PTPRA: variants seen among roughly 807,000 people sequenced by gnomAD.
The protein encoded by PTPRA is protein tyrosine phosphatase receptor type A.
A neutral mutation model predicts 104.8 loss-of-function variants in PTPRA; 25 were observed. The ratio of observed to expected loss-of-function variants is 0.24; its 90% CI spans 0.17 to 0.33. The LOEUF is 0.33. PTPRA is among the 10% of genes least tolerant of loss of function. The pLI, the probability that PTPRA is intolerant of heterozygous loss-of-function variation, is 1.00. For missense variants in PTPRA, 765 were observed against 1,015.3 expected (o/e 0.75, Z 3.35); for synonymous variants, 323 against 368.9 (o/e 0.88, Z 1.43).
At chr20:2,989,800 A>T (rs113000220) in intron 9 of PTPRA, among the ~76,000 whole-genome samples, 3 of 152,038 alleles carry the variant, frequency 2.0e-5, no homozygotes, top group African/African-American at 7.2e-5. Flanking sequence ...GGCGGATCAC[A>T]AGGTCAGGAG....
Position 3,038,061 on chromosome 20 carries a change from A to G in PTPRA, c.2337A>G (p.Glu779=), listed in dbSNP as rs372813177. 5.4e-5 allele frequency: 87 copies of G among 1,610,640 alleles called. No individual in the cohort carries two copies. Among genetic ancestry groups the G allele is most frequent in the Middle Eastern group, 1.6e-4 (1 of 6,080 alleles). Residue 779 remains glutamate (E), a splice_region_variant and synonymous_variant, in exon 24 of 24, where the codon GAA becomes GAG. Coordinates refer to ENST00000399903, the MANE Select transcript of PTPRA (RefSeq NM_001385305.1). The part of the protein sequence containing the change: ...LQRPHMVQTL[E]QYEFCYKVVQ... The stretch of plus-strand genomic sequence containing the variant: ...TTTCCCTACCTTTCACTCTCCAGGA[A>G]CAGTATGAGTTCTGCTACAAGGTGG...
chr20:2,899,668 A>T (rs1464997781), intron 1 of PTPRA, among the ~76,000 whole-genome samples: 1 of 152,190 alleles, frequency 6.6e-6, no homozygotes, highest in Non-Finnish European at 1.5e-5. Context: ...ATCAAGAATG[A>T]TTATATAGGT....
intron 1 of PTPRA, among the ~76,000 whole-genome samples, chr20:2,912,406 T>C (rs1291129315): frequency 6.6e-6 from 1 of 151,902 alleles, no homozygotes; most frequent in African/African-American, 2.4e-5. Flanking sequence ...AGTGGATTGC[T>C]TGAGCTCAGG....
intron 5 of PTPRA, among the ~76,000 whole-genome samples, chr20:2,971,321 T>C (rs568669528): frequency 2.0e-5 from 3 of 152,276 alleles, no homozygotes; most frequent in Admixed American, 2.0e-4. Flanking sequence ...CTTTTTTTTT[T>C]AAATCTTCTG....
intron 3 of PTPRA, among the ~76,000 whole-genome samples, chr20:2,956,764 C>A (rs139001979): frequency 4.7e-4 from 71 of 152,260 alleles, no homozygotes; most frequent in African/African-American, 1.5e-3. Flanking sequence ...TTCCAGTATT[C>A]TTCTCTTGAA....
rs1470939883 is a variant in PTPRA at position 2,892,313 on chromosome 20, A to G, written c.-129+18553A>G. Among the ~76,000 whole-genome samples, 3 of 150,316 alleles carry G rather than the reference A, an allele frequency of 2.0e-5. No homozygotes were observed. In the East Asian group the frequency reaches 5.8e-4, roughly 29 times the overall value. The stretch of plus-strand genomic sequence containing the variant: ...TCAAAAAAAAAAAAAAAAAAAAAGA[A>G]GAGAGGGCCAACTGTATGTAATTTA... On this transcript the variant is annotated intron_variant, in intron 1 of 23. Coordinates refer to ENST00000399903, the MANE Select transcript of PTPRA (RefSeq NM_001385305.1).
upstream of PTPRA, among the ~76,000 whole-genome samples, chr20:2,873,063 G>GA (rs1287852606): frequency 4.0e-5 from 6 of 151,882 alleles, no homozygotes; most frequent in Admixed American, 6.5e-5. The surrounding 1 kb of genome is among the most constrained non-coding windows in gnomAD (Gnocchi z 4.4). Context: ...TTAGGGGAGG[G>GA]AAAAAAAAGA....
chr20:2,917,522 T>C (rs1269481323), intron 1 of PTPRA, among the ~76,000 whole-genome samples: 1 of 152,186 alleles, frequency 6.6e-6, no homozygotes, highest in Admixed American at 6.5e-5. Flanking sequence ...AGCCTTAGCT[T>C]TGGTTCACTT....
chr20:2,989,839 A>G (rs1341441015), intron 9 of PTPRA, among the ~76,000 whole-genome samples: 1 of 152,078 alleles, frequency 6.6e-6, no homozygotes, highest in Non-Finnish European at 1.5e-5. Flanking sequence ...AACACAGTGA[A>G]ACCCTGTCTC....
At chr20:2,878,013 T>C (rs2089831537) in intron 1 of PTPRA, among the ~76,000 whole-genome samples, 1 of 151,896 alleles carries the variant, frequency 6.6e-6, no homozygotes, top group Non-Finnish European at 1.5e-5. Context: ...TAGCTGGGTG[T>C]GGTGGCGCGT....
intron 11 of PTPRA, among the ~76,000 whole-genome samples, chr20:3,010,010 A>T (rs1388340377): frequency 6.6e-6 from 1 of 151,906 alleles, no homozygotes; most frequent in Non-Finnish European, 1.5e-5. Flanking sequence ...CACCATGCCC[A>T]GCTAATTTTT....
chr20:2,879,495 A>G (rs1336057440), intron 1 of PTPRA, among the ~76,000 whole-genome samples: 2 of 152,226 alleles, frequency 1.3e-5, no homozygotes, highest in African/African-American at 4.8e-5. Flanking sequence ...TTGCAGTGAC[A>G]GAGTAATTCT....
intron 6 of PTPRA, among the ~76,000 whole-genome samples, chr20:2,985,048 A>G (rs2062844059): frequency 6.6e-6 from 1 of 152,204 alleles, no homozygotes; most frequent in African/African-American, 2.4e-5. Context: ...GAAGCTTTCT[A>G]TCACTTGTCT....
intron 3 of PTPRA, among the ~76,000 whole-genome samples, chr20:2,958,291 C>G (rs2147871490): frequency 6.6e-6 from 1 of 152,154 alleles, no homozygotes; most frequent in South Asian, 2.1e-4. Flanking sequence ...TGGGTGATGA[C>G]AGCATCTGGA....
At chr20:2,882,700 A>G (rs1404828921) in intron 1 of PTPRA, among the ~76,000 whole-genome samples, 1 of 152,200 alleles carries the variant, frequency 6.6e-6, no homozygotes, top group Non-Finnish European at 1.5e-5. Flanking sequence ...TTTTAATAGT[A>G]AATGATTGCC....
intron 11 of PTPRA, among the ~76,000 whole-genome samples, chr20:3,009,571 A>G (rs924274524): frequency 6.6e-6 from 1 of 152,160 alleles, no homozygotes; most frequent in African/African-American, 2.4e-5. Flanking sequence ...ACTGGAGTGA[A>G]TTTGCTGAAG....
At chr20:2,928,685 C>A (rs2060396887) in intron 2 of PTPRA, among the ~76,000 whole-genome samples, 2 of 152,124 alleles carry the variant, frequency 1.3e-5, no homozygotes, top group African/African-American at 4.8e-5. Context: ...TTTTTTGGTT[C>A]TTTTCTGTCA....
intron 2 of PTPRA, among the ~76,000 whole-genome samples, chr20:2,946,923 A>T (rs1418426745): frequency 6.6e-6 from 1 of 152,176 alleles, no homozygotes; most frequent in East Asian, 1.9e-4. Context: ...AAGCCATTTT[A>T]TCTGCCTCCT....
intron 10 of PTPRA, among the ~76,000 whole-genome samples, chr20:3,006,468 C>T (rs1490955147): frequency 1.3e-5 from 2 of 152,128 alleles, no homozygotes; most frequent in South Asian, 2.1e-4. Flanking sequence ...CATGAGCCAC[C>T]ACATCTAGAC....
Sources: gnomAD v4.1 joint callset for allele counts (sites outside exome capture counted in the v4.1 genomes callset) on GRCh38, gnomAD v4.1.1 for gene constraint, Gnocchi (gnomAD v3.1) non-coding constraint, MANE v1.5 for transcripts, NCBI Gene and HGNC (gene_info 2026-07-23, HGNC 2026-07-21) for gene names.